Variants in SRPK2 observed in about 807,000 individuals in gnomAD.
SRPK2 encodes SFRS protein kinase 2.
A neutral mutation model predicts 90.8 loss-of-function variants in SRPK2; 21 were observed. The ratio of observed to expected loss-of-function variants is 0.23; its 90% CI spans 0.16 to 0.33. The LOEUF is 0.33. SRPK2 is among the 10% of genes least tolerant of loss of function. SRPK2 has a pLI of 1.00. For missense variants in SRPK2, 620 were observed against 869.0 expected, an observed-to-expected ratio of 0.71 and a Z score of 3.60; for synonymous variants, 288 against 311.1, an observed-to-expected ratio of 0.93 and a Z score of 0.78.
At chr7:105,132,745 G>A (rs1380061162) in intron 13 of SRPK2, 46 bp downstream of exon 13, 2 of 1,478,280 alleles carry the variant, frequency 1.4e-6, no homozygotes, top group African/African-American at 1.4e-5. Context: ...GAGTGTGAAA[G>A]GAACGAGCCA....
chr7:105,248,312 TA>T (rs1364936529), intron 2 of SRPK2, among the ~76,000 whole-genome samples: 3 of 152,030 alleles, frequency 2.0e-5, no homozygotes, highest in African/African-American at 7.2e-5. Flanking sequence ...AGAACTGGAT[TA>T]GGGGTGGTGG....
chr7:105,373,286 A>G (rs1223022582), intron 2 of SRPK2, among the ~76,000 whole-genome samples: 1 of 152,124 alleles, frequency 6.6e-6, no homozygotes, highest in African/African-American at 2.4e-5. Context: ...AACGATAAAC[A>G]AACGTAATAA....
chr7:105,168,745 A>ATGTG (rs58073613), intron 4 of SRPK2, among the ~76,000 whole-genome samples: 4,210 of 104,028 alleles, frequency 0.04, 122 homozygotes, highest in African/African-American at 0.053. Context: ...CACGCACCAA[A>ATGTG]TGTGTGTGTG....
chr7:105,328,079 A>G (rs1813804791), intron 2 of SRPK2, among the ~76,000 whole-genome samples: 1 of 152,202 alleles, frequency 6.6e-6, no homozygotes, highest in Non-Finnish European at 1.5e-5. Flanking sequence ...CCCAGCCTAT[A>G]GGAGTTTCCT....
At chr7:105,179,317 A>AT (rs1279274402) in intron 3 of SRPK2, among the ~76,000 whole-genome samples, 1 of 152,200 alleles carries the variant, frequency 6.6e-6, no homozygotes, top group African/African-American at 2.4e-5. Context: ...ATACCTGGGT[A>AT]TATATTATGT....
chr7:105,294,851 T>C (rs1263327488), intron 2 of SRPK2, among the ~76,000 whole-genome samples: 1 of 152,148 alleles, frequency 6.6e-6, no homozygotes, highest in African/African-American at 2.4e-5. Context: ...ATCCTGTTTT[T>C]CTATGGCTGA....
chr7:105,272,964 C>A (rs903543562), intron 2 of SRPK2, among the ~76,000 whole-genome samples: 14 of 152,230 alleles, frequency 9.2e-5, no homozygotes, highest in Admixed American at 9.2e-4. Context: ...CCTGTAATCC[C>A]AGCACCTTGG....
intron 11 of SRPK2, among the ~76,000 whole-genome samples, chr7:105,135,425 T>A (rs1802653625): frequency 6.6e-6 from 1 of 152,070 alleles, no homozygotes. Flanking sequence ...AACTGGTCAG[T>A]GAGGGACCAG....
At chr7:105,136,055 G>A (rs1030348367) in intron 11 of SRPK2, among the ~76,000 whole-genome samples, 2 of 152,076 alleles carry the variant, frequency 1.3e-5, no homozygotes, top group Non-Finnish European at 2.9e-5. Context: ...ATAAGCCACC[G>A]CACCTGGCCT....
intron 2 of SRPK2, among the ~76,000 whole-genome samples, chr7:105,214,669 C>T (rs1181459452): frequency 6.6e-6 from 1 of 152,136 alleles, no homozygotes; most frequent in East Asian, 1.9e-4. Flanking sequence ...TTAAAACGTA[C>T]TATGAAAACT....
At chr7:105,330,920 G>A (rs1814234134) in intron 2 of SRPK2, among the ~76,000 whole-genome samples, 1 of 152,140 alleles carries the variant, frequency 6.6e-6, no homozygotes, top group African/African-American at 2.4e-5. Flanking sequence ...CTTGAATCCA[G>A]AAATTTGAAG....
chr7:105,190,017 A>G (rs1794079088), intron 3 of SRPK2, among the ~76,000 whole-genome samples: 1 of 152,186 alleles, frequency 6.6e-6, no homozygotes, highest in South Asian at 2.1e-4. Flanking sequence ...CACTGAGTAC[A>G]GTGGGGACAG....
chr7:105,145,582 C>A (rs1226214657), intron 8 of SRPK2, among the ~76,000 whole-genome samples: 2 of 152,148 alleles, frequency 1.3e-5, no homozygotes, highest in Non-Finnish European at 2.9e-5. Context: ...CAAACACAGT[C>A]AAGCTCAAGC....
chr7:105,389,245 C>G (rs1427336805), upstream of SRPK2: 1 of 1,255,390 alleles, frequency 8.0e-7, no homozygotes, highest in South Asian at 1.3e-5. Context: ...CCTCCGCACC[C>G]CGGCCGGTCG....
intron 2 of SRPK2, among the ~76,000 whole-genome samples, chr7:105,280,995 T>C (rs1329401178): frequency 7.1e-6 from 1 of 141,188 alleles, no homozygotes; most frequent in Admixed American, 7.2e-5. Context: ...ACCTTGTTTA[T>C]AAGGCATAAG....
chr7:105,387,741 T>C (rs1821785097), intron 2 of SRPK2, among the ~76,000 whole-genome samples: 1 of 152,098 alleles, frequency 6.6e-6, no homozygotes, highest in Non-Finnish European at 1.5e-5. Context: ...GCAATTAATC[T>C]AGAGGAAGAG....
At chr7:105,147,779 T>C (rs1314573263) in intron 7 of SRPK2, among the ~76,000 whole-genome samples, 1 of 152,240 alleles carries the variant, frequency 6.6e-6, no homozygotes, top group Non-Finnish European at 1.5e-5. Flanking sequence ...TCATATAAAG[T>C]ATTTTTTTGT....
intron 3 of SRPK2, among the ~76,000 whole-genome samples, chr7:105,192,946 G>A (rs1794485526): frequency 6.6e-6 from 1 of 151,892 alleles, no homozygotes; most frequent in Non-Finnish European, 1.5e-5. Flanking sequence ...TTAGTCCTTT[G>A]TCGGATGTAT....
Position 105,297,494 on chromosome 7 carries a change from G to T in SRPK2, c.71+91154C>A, listed in dbSNP as rs552632930. On this transcript the variant is annotated intron_variant, in intron 2 of 15. Transcript: ENST00000393651. ...ATGGTGGCCATCTGGCCCCTCAGAT[G>T]TATCAACATCCTACAGCCCATCGCC... is the stretch of plus-strand genomic sequence containing the variant. 5.4e-4 allele frequency: 534 copies of T among 985,326 alleles called. 1 individual carries two copies. Among genetic ancestry groups the T allele is most frequent in the Non-Finnish European group, 6.2e-4 (514 of 829,880 alleles). 61.0% of individuals were successfully genotyped at this position (985,326 alleles called of 1,614,324 possible). A position where few individuals can be genotyped will look rare whatever the true frequency, so the allele number is the denominator to read the frequency against.
Sources: allele counts gnomAD v4.1 joint callset (sites outside exome capture counted in the v4.1 genomes callset), GRCh38; gene constraint gnomAD v4.1.1; transcripts MANE v1.5; gene names NCBI Gene and HGNC (gene_info 2026-07-23, HGNC 2026-07-21).